The following SLC71A2 variants were observed in gnomAD, a reference collection of about 807,000 sequenced individuals.
SLC71A2 encodes the protein hippocampus abundant transcript-like 1.
chr9:94,443,497 A>G, the SLC71A2 span, among the ~76,000 whole-genome samples: 430 of 152,264 alleles, frequency 2.8e-3, 1 homozygote, highest in Non-Finnish European at 4.8e-3. Context: ...TAATTCTTTC[A>G]GGGCTACGGC....
At chr9:94,435,685 G>A in the SLC71A2 span, among the ~76,000 whole-genome samples, 30 of 83,336 alleles carry the variant, frequency 3.6e-4, no homozygotes, top group African/African-American at 1.2e-3. Context: ...ATGGAGTTTT[G>A]CTCTTGTTGC....
chr9:94,452,403 C>T, the SLC71A2 span, among the ~76,000 whole-genome samples: 1 of 152,048 alleles, frequency 6.6e-6, no homozygotes, highest in Non-Finnish European at 1.5e-5. Context: ...TCCAGACCAG[C>T]TTGGCCAATA....
At chr9:94,400,351 C>T in the SLC71A2 span, among the ~76,000 whole-genome samples, 5 of 151,664 alleles carry the variant, frequency 3.3e-5, no homozygotes, top group African/African-American at 1.2e-4. Flanking sequence ...CAGTCCGTTG[C>T]CTGAGGAAAG....
chr9:94,401,699 A>G, the SLC71A2 span, among the ~76,000 whole-genome samples: 1 of 152,246 alleles, frequency 6.6e-6, no homozygotes, highest in African/African-American at 2.4e-5. Flanking sequence ...CATGGTCTCA[A>G]GATGGCTGCC....
At chr9:94,417,950 G>A in the SLC71A2 span, among the ~76,000 whole-genome samples, 8 of 135,482 alleles carry the variant, frequency 5.9e-5, no homozygotes, top group Middle Eastern at 4.0e-3. Flanking sequence ...TCCGCCTCCC[G>A]GGTTCAAGCA....
the SLC71A2 span, among the ~76,000 whole-genome samples, chr9:94,431,978 A>G: frequency 2.6e-5 from 4 of 152,124 alleles, no homozygotes; most frequent in Non-Finnish European, 5.9e-5. Context: ...TTTGAATGCT[A>G]CCACCCAGCA....
the SLC71A2 span, among the ~76,000 whole-genome samples, chr9:94,401,252 C>T: frequency 6.6e-6 from 1 of 152,118 alleles, no homozygotes; most frequent in African/African-American, 2.4e-5. Flanking sequence ...CTCACTGCAA[C>T]CTCCGCCTTC....
chr9:94,460,386 T>G, the SLC71A2 span: 1 of 152,670 alleles, frequency 6.6e-6, no homozygotes, highest in African/African-American at 2.4e-5. Flanking sequence ...CTGCCTTAAC[T>G]GCTCTGAGTA....
At chr9:94,374,936 G>A in the SLC71A2 span, 3 of 1,262,344 alleles carry the variant, frequency 2.4e-6, no homozygotes, top group South Asian at 8.1e-5. Flanking sequence ...GGGTGAGCGC[G>A]GGCGCGGGGC....
the SLC71A2 span, among the ~76,000 whole-genome samples, chr9:94,421,551 A>G: frequency 6.6e-6 from 1 of 152,174 alleles, no homozygotes; most frequent in Non-Finnish European, 1.5e-5. Context: ...GTTCTTACAT[A>G]ACCACATATG....
chr9:94,424,246 G>GT, the SLC71A2 span, among the ~76,000 whole-genome samples: 2 of 148,990 alleles, frequency 1.3e-5, no homozygotes, highest in South Asian at 2.1e-4. Flanking sequence ...TTTTGGCGGA[G>GT]GGGGGAGCAA....
chr9:94,402,013 G>T, the SLC71A2 span, among the ~76,000 whole-genome samples: 1 of 152,172 alleles, frequency 6.6e-6, no homozygotes, highest in Non-Finnish European at 1.5e-5. Flanking sequence ...CATGGCACTG[G>T]TGGGAGTATA....
the SLC71A2 span, among the ~76,000 whole-genome samples, chr9:94,457,997 A>G: frequency 6.6e-6 from 1 of 152,202 alleles, no homozygotes; most frequent in East Asian, 1.9e-4. Flanking sequence ...GTGAAGGGCA[A>G]GTTTTTGTTG....
chr9:94,396,596 G>A, the SLC71A2 span, among the ~76,000 whole-genome samples: 124,115 of 151,860 alleles, frequency 0.82, 51,591 homozygotes, highest in East Asian at 1. Context: ...AATAAATGTT[G>A]TAGGGTTTTT....
the SLC71A2 span, among the ~76,000 whole-genome samples, chr9:94,407,430 G>A: frequency 1.3e-5 from 2 of 150,416 alleles, no homozygotes; most frequent in African/African-American, 2.4e-5. Context: ...CCAGGCTAGA[G>A]TGCAGTGGCA....
the SLC71A2 span, among the ~76,000 whole-genome samples, chr9:94,451,995 C>T: frequency 6.6e-6 from 1 of 152,196 alleles, no homozygotes; most frequent in Non-Finnish European, 1.5e-5. Flanking sequence ...CCCCTTGCAC[C>T]AGCATCATCT....
At chr9:94,448,536 G>A in the SLC71A2 span, among the ~76,000 whole-genome samples, 1 of 152,122 alleles carries the variant, frequency 6.6e-6, no homozygotes, top group African/African-American at 2.4e-5. Context: ...TCTTTTTCTG[G>A]TTGTATTTAA....
chr9:94,419,719 C>A, the SLC71A2 span, among the ~76,000 whole-genome samples: 1 of 152,152 alleles, frequency 6.6e-6, no homozygotes, highest in East Asian at 1.9e-4. Context: ...GGATTACAGG[C>A]ATGTGCCACT....
At chr9:94,400,002 G>A in the SLC71A2 span, among the ~76,000 whole-genome samples, 10 of 151,938 alleles carry the variant, frequency 6.6e-5, no homozygotes, top group Non-Finnish European at 1.0e-4. Flanking sequence ...AGAGATGGGA[G>A]GTTTCCCCAT....
Sources: gnomAD v4.1 joint callset for allele counts (sites outside exome capture counted in the v4.1 genomes callset) on GRCh38, gnomAD v4.1.1 for gene constraint, MANE v1.5 for transcripts, NCBI Gene and HGNC (gene_info 2026-07-23, HGNC 2026-07-21) for gene names.